Variants in PDZD9 observed in about 807,000 individuals in gnomAD.
PDZD9 encodes PDZ domain-containing protein 9.
A neutral mutation model predicts 16.3 loss-of-function variants in PDZD9; 13 were observed. That is an observed-to-expected ratio of 0.80 (90% CI 0.52 to 1.27). PDZD9 has a LOEUF of 1.27. PDZD9 is among the 50% of genes most tolerant of loss of function. The pLI is 0.00. For missense variants in PDZD9, 288 were observed against 310.9 expected (o/e 0.93, Z 0.55); for synonymous variants, 120 against 111.0 (o/e 1.08, Z -0.51).
At chr16:21,969,889 GA>G in the PDZD9 span, among the ~76,000 whole-genome samples, 1 of 150,394 alleles carries the variant, frequency 6.6e-6, no homozygotes, top group Non-Finnish European at 1.5e-5. Context: ...TTTTTTTAAA[GA>G]GATGGAGGTC....
At chr16:21,981,111 A>C (rs1898715821), downstream of PDZD9, among the ~76,000 whole-genome samples, 1 of 152,194 alleles carries the variant, frequency 6.6e-6, no homozygotes. Flanking sequence ...TAAATAGTGA[A>C]GTTTGCTATT....
chr16:21,995,500 C>T (rs1727524888), intron 2 of PDZD9, among the ~76,000 whole-genome samples: 1 of 152,186 alleles, frequency 6.6e-6, no homozygotes, highest in South Asian at 2.1e-4. Flanking sequence ...AGGTGTAAGC[C>T]ACTGTACCCA....
chr16:21,969,525 CTG>C, the PDZD9 span, among the ~76,000 whole-genome samples: 1 of 152,078 alleles, frequency 6.6e-6, no homozygotes, highest in Non-Finnish European at 1.5e-5. Context: ...GAGTGAGACT[CTG>C]TCTCAAAAAA....
intron 2 of PDZD9, among the ~76,000 whole-genome samples, chr16:21,993,667 C>T (rs1899078093): frequency 6.6e-6 from 1 of 152,108 alleles, no homozygotes; most frequent in Non-Finnish European, 1.5e-5. Context: ...GACCAGGCAT[C>T]TTGGTTTTAA....
the PDZD9 span, chr16:21,971,783 G>T: frequency 7.4e-7 from 1 of 1,343,274 alleles, no homozygotes; most frequent in Middle Eastern, 1.9e-4. Flanking sequence ...GTGTGTGTTT[G>T]GGGACAGGAT....
intron 2 of PDZD9, 134 bp from the exon 3 acceptor site, chr16:21,988,925 AG>A: frequency 1.6e-6 from 1 of 619,848 alleles, no homozygotes; most frequent in Non-Finnish European, 2.5e-6. Flanking sequence ...ACCAGGCTTC[AG>A]CCTTTTTTTT....
chr16:21,959,656 T>C, the PDZD9 span: 1 of 152,280 alleles, frequency 6.6e-6, no homozygotes, highest in Non-Finnish European at 1.5e-5. Context: ...GTGAATTCTT[T>C]CCAGAAAGTT....
At chr16:21,961,948 C>T in the PDZD9 span, among the ~76,000 whole-genome samples, 21 of 151,872 alleles carry the variant, frequency 1.4e-4, 1 homozygote, top group African/African-American at 4.6e-4. Flanking sequence ...CCACTGCGCC[C>T]GGCCCAAATT....
the PDZD9 span, chr16:21,962,658 A>G: frequency 7.5e-6 from 12 of 1,594,648 alleles, no homozygotes; most frequent in Non-Finnish European, 9.4e-6. Flanking sequence ...ACTGCTTACC[A>G]CAAGACCTAA....
chr16:21,972,641 G>A, the PDZD9 span, among the ~76,000 whole-genome samples: 11 of 152,210 alleles, frequency 7.2e-5, no homozygotes, highest in East Asian at 9.7e-4. Flanking sequence ...CTGAGAGGCC[G>A]AGGTGGGCGG....
intron 3 of PDZD9, 37 bp downstream of exon 3, chr16:21,988,565 G>A (rs1898938893): frequency 6.6e-7 from 1 of 1,523,996 alleles, no homozygotes; most frequent in Non-Finnish European, 9.0e-7. Flanking sequence ...CTGGGATTCT[G>A]TATTATAACA....
At chr16:21,992,688 A>G (rs2141959752) in intron 2 of PDZD9, among the ~76,000 whole-genome samples, 1 of 152,270 alleles carries the variant, frequency 6.6e-6, no homozygotes, top group Admixed American at 6.5e-5. Flanking sequence ...GTGTTTTGCC[A>G]GGGTTTCTCA....
chr16:21,983,067 CT>C (rs2094444527), downstream of PDZD9: 2 of 1,587,642 alleles, frequency 1.3e-6, no homozygotes, highest in South Asian at 2.3e-5. Context: ...TTAATTTTGT[CT>C]TTTGTTTGTT....
At chr16:21,963,206 A>C in the PDZD9 span, 1 of 182,806 alleles carries the variant, frequency 5.5e-6, no homozygotes, top group Non-Finnish European at 1.2e-5. Flanking sequence ...GTCAGACTGG[A>C]GTTCAGTCTT....
chr16:21,984,689 AGATTCTTCATG>A (rs1390789782), intron 3 of PDZD9, 29 bp from the exon 4 acceptor site: 2 of 1,457,590 alleles, frequency 1.4e-6, no homozygotes, highest in Admixed American at 2.5e-5. Flanking sequence ...TGAATAAAAT[AGATTCTTCATG>A]TCTAAACATT....
At chr16:21,968,586 T>C in the PDZD9 span, 16 of 1,524,954 alleles carry the variant, frequency 1.0e-5, no homozygotes, top group Non-Finnish European at 1.4e-5. Context: ...GCTTTTTATA[T>C]TTATGCTAAT....
intron 2 of PDZD9, among the ~76,000 whole-genome samples, chr16:21,991,108 A>G (rs766265911): frequency 4.6e-5 from 7 of 152,148 alleles, no homozygotes; most frequent in South Asian, 2.1e-4. Context: ...GCTAAGGACC[A>G]TGTCTGTGCC....
At chr16:21,979,833 C>T (rs1026809557), downstream of PDZD9, among the ~76,000 whole-genome samples, 3 of 152,130 alleles carry the variant, frequency 2.0e-5, no homozygotes, top group South Asian at 2.1e-4. Context: ...ATAATCTTAA[C>T]GGGACCACCA....
At chr16:21,995,739 A>T (rs1010447522) in intron 2 of PDZD9, among the ~76,000 whole-genome samples, 1 of 151,468 alleles carries the variant, frequency 6.6e-6, no homozygotes, top group Admixed American at 6.6e-5. Context: ...CTGGGACTAC[A>T]GGCGCCCGCC....
Sources: gnomAD v4.1 joint callset for allele counts (sites outside exome capture counted in the v4.1 genomes callset) on GRCh38, gnomAD v4.1.1 for gene constraint, MANE v1.5 for transcripts, NCBI Gene and HGNC (gene_info 2026-07-23, HGNC 2026-07-21) for gene names.